Variants in UBN1 observed in about 807,000 individuals in gnomAD.
The protein encoded by UBN1 is ubinuclein-1.
Under a neutral mutation model 108.5 loss-of-function variants are expected in UBN1, and 17 were observed. The ratio of observed to expected loss-of-function variants is 0.16; its 90% CI spans 0.11 to 0.24. The LOEUF (loss-of-function observed/expected upper bound fraction) is 0.24. Among genes scored for constraint, UBN1 ranks in the 10% least tolerant of loss-of-function variants. The pLI is 1.00. For synonymous variants in UBN1, 726 were observed against 564.2 expected (o/e 1.29, Z -4.07); for missense variants, 1,595 against 1,394.4 (o/e 1.14, Z -2.29).
chr16:4,865,360 C>G (rs1159426328), intron 7 of UBN1, among the ~76,000 whole-genome samples: 1 of 152,080 alleles, frequency 6.6e-6, no homozygotes, highest in Non-Finnish European at 1.5e-5. Context: ...TAGAAAGCTT[C>G]TGAAATATTG....
intron 7 of UBN1, among the ~76,000 whole-genome samples, chr16:4,864,899 T>TA (rs939082348): frequency 3.3e-4 from 50 of 152,064 alleles, no homozygotes; most frequent in African/African-American, 3.4e-4. Flanking sequence ...TTGATCTTTT[T>TA]AAAAAAAATC....
chr16:4,878,021 A>G (rs1204515776), intron 17 of UBN1, among the ~76,000 whole-genome samples: 1 of 152,150 alleles, frequency 6.6e-6, no homozygotes, highest in Non-Finnish European at 1.5e-5. Flanking sequence ...TGAAAACTCC[A>G]TCAGAACAGA....
chr16:4,858,541 A>G (rs1490709428), intron 3 of UBN1, 27 bp from the exon 4 acceptor site: 34 of 1,603,224 alleles, frequency 2.1e-5, no homozygotes, highest in African/African-American at 9.4e-5. Context: ...TTCAAAAAGC[A>G]TGTAATCTAT....
chr16:4,854,833 C>G (rs2086723995), intron 2 of UBN1, among the ~76,000 whole-genome samples: 1 of 152,106 alleles, frequency 6.6e-6, no homozygotes, highest in East Asian at 1.9e-4. Flanking sequence ...TGCCGTTTTC[C>G]TGTCTCAGCC....
intron 2 of UBN1, among the ~76,000 whole-genome samples, chr16:4,855,283 G>C (rs939576494): frequency 2.6e-5 from 4 of 152,040 alleles, no homozygotes; most frequent in Admixed American, 1.3e-4. Context: ...GGTATTTTTG[G>C]TTAGAAGGAT....
chr16:4,871,942 TG>T (rs1241625699), intron 12 of UBN1, among the ~76,000 whole-genome samples: 11 of 152,164 alleles, frequency 7.2e-5, no homozygotes, highest in African/African-American at 2.7e-4. Flanking sequence ...GGGTTCATCT[TG>T]GGTCTTTCCT....
rs1321561425 is a variant in UBN1, at chr16:4,853,007, G to A, written c.90G>A (p.Gly30=). Residue 30 remains glycine (G), a synonymous_variant, in exon 2 of 18, where the codon GGG becomes GGA. Coordinates refer to ENST00000262376, the MANE Select transcript of UBN1 (RefSeq NM_001079514.3). ...FLKKSRKEEA[G]AGEQHQDCEP... is the part of the protein sequence containing the mutation. ...AGAAGTCCCGGAAGGAGGAGGCTGG[G>A]GCAGGAGAACAGCATCAGGACTGTG... is the stretch of plus-strand genomic sequence containing the variant. 9.3e-6 allele frequency: 15 copies of A among 1,614,208 alleles called. No homozygotes were observed. Among genetic ancestry groups the A allele is most frequent in the Non-Finnish European group, 1.2e-5 (14 of 1,180,038 alleles).
intron 2 of UBN1, among the ~76,000 whole-genome samples, chr16:4,853,513 T>C (rs1202633617): frequency 2.0e-5 from 3 of 151,794 alleles, no homozygotes; most frequent in East Asian, 1.9e-4. Flanking sequence ...GTCTACCTAG[T>C]ATAGGGGCAG....
intron 12 of UBN1, chr16:4,872,196 C>T (rs1353640463): frequency 2.0e-6 from 2 of 985,230 alleles, no homozygotes; most frequent in Non-Finnish European, 2.4e-6. Context: ...AGGCTGGACT[C>T]ATACGAAGAA....
At chr16:4,850,930 T>C (rs1458091474) in intron 1 of UBN1, among the ~76,000 whole-genome samples, 2 of 152,200 alleles carry the variant, frequency 1.3e-5, no homozygotes, top group South Asian at 2.1e-4. Flanking sequence ...ATAATAAACA[T>C]GAGCTTTAAC....
chr16:4,863,105 A>G (rs943126593), intron 7 of UBN1, among the ~76,000 whole-genome samples: 1 of 152,194 alleles, frequency 6.6e-6, no homozygotes, highest in African/African-American at 2.4e-5. Context: ...CAATATAAAA[A>G]CAATTTCTAG....
chr16:4,871,728 A>C (rs957080148), intron 12 of UBN1, among the ~76,000 whole-genome samples: 19 of 151,894 alleles, frequency 1.3e-4, no homozygotes, highest in African/African-American at 4.6e-4. Flanking sequence ...CTGGGACTAC[A>C]GGTGCCTGCC....
rs564727343 is a variant in UBN1, at chr16:4,876,749, A to T, written c.3025-122A>T. On this transcript the variant is annotated intron_variant, in intron 15 of 17. Coordinates refer to ENST00000262376, the MANE Select transcript of UBN1 (RefSeq NM_001079514.3). ...GGAGGGTGCCTCCCAGGGCCATCTG[A>T]CATGGATGTGTATGTCCTCCTTTGT... 61 of 1,464,512 alleles carry T rather than the reference A, an allele frequency of 4.2e-5. 2 individuals carry two copies. In the African/African-American group the frequency reaches 7.8e-4, roughly 19 times the overall value. The allele number at this position is 1,464,512 out of a possible 1,614,324, so 90.7% of individuals were successfully genotyped here.
chr16:4,870,044 G>T (rs762773263), intron 8 of UBN1, among the ~76,000 whole-genome samples, 168 bp from the exon 9 acceptor site: 1 of 152,192 alleles, frequency 6.6e-6, no homozygotes, highest in African/African-American at 2.4e-5. Context: ...GTTGTTGTTT[G>T]TTGATTGCTG....
In UBN1 at chr16:4,875,396, T is replaced by C. The variant is rs2087830537; in HGVS notation, c.2986T>C (p.Ser996Pro). The change falls in exon 15 of 18, where the codon TCT becomes CCT. Residue 996 changes from serine to proline, a missense_variant. Around this residue, in one of 3 missense-constraint regions of UBN1, gnomAD observed 1,398 missense variants for 1,194.7 expected, o/e 1.17. Transcript: ENST00000262376. Reference sequence around the variant, plus strand: ...GCTGACCTCGCCGTCCCTAAAGCCCTCTGCAGTTAGTAGTGTGACATCGTC... The same window carrying C: ...GCTGACCTCGCCGTCCCTAAAGCCCCCTGCAGTTAGTAGTGTGACATCGTC... ...KLLTSPSLKP[S>P]AVSSVTSSTS... is the part of the protein sequence containing the mutation. The C allele has an allele frequency of 1.2e-6, 2 of 1,613,850 alleles. No homozygotes were observed. Among genetic ancestry groups the C allele is most frequent in the East Asian group, 4.5e-5 (2 of 44,874 alleles).
intron 1 of UBN1, among the ~76,000 whole-genome samples, chr16:4,850,836 T>G (rs544002844): frequency 5.3e-5 from 8 of 152,344 alleles, no homozygotes; most frequent in African/African-American, 1.2e-4. Context: ...GTGATTGATT[T>G]ACAACCAAAA....
At position 4,875,107 on chromosome 16, in the gene UBN1, C is replaced by T. The variant is rs542334988; in HGVS notation, c.2697C>T (p.Tyr899=). 1.9e-6 allele frequency: 3 copies of T among 1,614,220 alleles called. No homozygotes were observed. The South Asian group carries it at 3.3e-5, about 18-fold the overall frequency. Residue 899 remains tyrosine (Y), a synonymous_variant, in exon 15 of 18, where the codon TAC becomes TAT. Transcript: ENST00000262376. The part of the protein sequence containing the change: ...PHSVSSAGSS[Y]KNNPFASSIS... ...CAGTCAGCTCTGCAGGCTCATCTTA[C>T]AAGAATAATCCCTTTGCCAGCTCAA...
chr16:4,869,417 TA>T (rs2087499700), intron 8 of UBN1, among the ~76,000 whole-genome samples: 1 of 152,196 alleles, frequency 6.6e-6, no homozygotes, highest in South Asian at 2.1e-4. Flanking sequence ...TGAATCGGGT[TA>T]AAAAACAGAT....
chr16:4,870,910 A>C lies in UBN1; in HGVS notation c.1497A>C (p.Glu499Asp). Residue 499 changes from glutamate to aspartate, a missense_variant, in exon 11 of 18, where the codon GAA becomes GAC. Physicochemically the swap from Glu to Asp is conservative, Grantham distance 45. Transcript: ENST00000262376. ...DRICSDEEED[E>D]EKGGRRIMGP... is the part of the protein sequence containing the mutation. ...TTTGTTCGGATGAGGAAGAAGATGA[A>C]GAAAAAGGGGGCAGGAGGATAATGG... is the stretch of plus-strand genomic sequence containing the variant. 2 of 1,614,104 alleles carry C rather than the reference A, an allele frequency of 1.2e-6. No individual in the cohort carries two copies. The highest frequency in any genetic ancestry group is 8.5e-7 in the Non-Finnish European group (1 of 1,179,994).
Sources: allele counts gnomAD v4.1 joint callset (sites outside exome capture counted in the v4.1 genomes callset), GRCh38; gene constraint gnomAD v4.1.1; regional missense constraint gnomAD v4.1.1; transcripts MANE v1.5; gene names NCBI Gene and HGNC (gene_info 2026-07-23, HGNC 2026-07-21).